Variants in GSE1 observed in about 807,000 individuals in gnomAD.
The protein encoded by GSE1 is Gse1 coiled-coil protein.
Under a neutral mutation model 112.6 loss-of-function variants are expected in GSE1, and 32 were observed. The ratio of observed to expected loss-of-function variants is 0.28; its 90% CI spans 0.21 to 0.38. The LOEUF is 0.38. GSE1 is among the 10% of genes least tolerant of loss of function. The pLI, the probability that GSE1 is intolerant of heterozygous loss-of-function variation, is 1.00. For synonymous variants in GSE1, 1,115 were observed against 735.6 expected (o/e 1.52, Z -8.35); for missense variants, 2,348 against 1,699.2 (o/e 1.38, Z -6.71).
intron 1 of GSE1, among the ~76,000 whole-genome samples, chr16:85,294,429 C>T (rs572511982): frequency 1.3e-5 from 2 of 152,302 alleles, no homozygotes; most frequent in East Asian, 1.9e-4. Context: ...CCATGGGTGA[C>T]ATTTGTTCGT....
intron 1 of GSE1, among the ~76,000 whole-genome samples, chr16:85,353,348 G>C (rs147247464): frequency 1.3e-5 from 2 of 152,340 alleles, no homozygotes; most frequent in East Asian, 3.9e-4. Flanking sequence ...GATGTTTTCA[G>C]TTCTGTTGGC....
chr16:85,626,954 A>G (rs2049121027), intron 1 of GSE1, among the ~76,000 whole-genome samples: 1 of 150,338 alleles, frequency 6.7e-6, no homozygotes, highest in African/African-American at 2.5e-5. Context: ...CTGAAGAACT[A>G]AGAACGAGAT....
At chr16:85,503,075 A>G (rs2151916285) in intron 2 of GSE1, among the ~76,000 whole-genome samples, 1 of 152,302 alleles carries the variant, frequency 6.6e-6, no homozygotes, top group East Asian at 1.9e-4. Context: ...CCCTGTTGAC[A>G]TTGAGGGGTG....
At chr16:85,575,218 G>T (rs995157532) in intron 1 of GSE1, among the ~76,000 whole-genome samples, 2 of 152,212 alleles carry the variant, frequency 1.3e-5, no homozygotes, top group African/African-American at 2.4e-5. Context: ...CAGGGCCAGG[G>T]CAGGCAGGTG....
chr16:85,419,576 A>G lies in GSE1; in HGVS notation c.2464+61933A>G. 6.6e-6 allele frequency among the ~76,000 whole-genome samples: 1 copy of G among 151,268 alleles called. No individual in the cohort carries two copies. Among genetic ancestry groups the G allele is most frequent in the East Asian group, 1.9e-4 (1 of 5,148 alleles). Reference sequence around the variant, plus strand: ...AGCCATGACTGCATCACTGTACTCCAGCCTGGGCAATAGAGCAAGGCTGTG... The same window carrying G: ...AGCCATGACTGCATCACTGTACTCCGGCCTGGGCAATAGAGCAAGGCTGTG... On this transcript the variant is annotated intron_variant, in intron 2 of 2. Coordinates refer to the GSE1 transcript ENST00000637419. The surrounding 1 kb of genome is among the most constrained non-coding windows in gnomAD (Gnocchi z 6.5).
intron 1 of GSE1, among the ~76,000 whole-genome samples, chr16:85,356,278 G>A (rs1432541670): frequency 6.6e-6 from 1 of 152,262 alleles, no homozygotes; most frequent in Non-Finnish European, 1.5e-5. Context: ...GTGCACGCAG[G>A]ATGGAGAGGC....
At chr16:85,393,646 ACAGTCTTCAGGCT>A (rs1947204733) in intron 2 of GSE1, among the ~76,000 whole-genome samples, 1 of 152,230 alleles carries the variant, frequency 6.6e-6, no homozygotes, top group Non-Finnish European at 1.5e-5. Flanking sequence ...ACCTTCTGGA[ACAGTCTTCAGGCT>A]CCTGTGTGAT....
chr16:85,619,731 G>T (rs1192032966), intron 1 of GSE1, among the ~76,000 whole-genome samples: 3 of 152,106 alleles, frequency 2.0e-5, no homozygotes, highest in African/African-American at 7.3e-5. Context: ...GTCAGGCGTG[G>T]TGGGGGGACG....
chr16:85,196,447 G>C (rs1374437949), intron 1 of GSE1, among the ~76,000 whole-genome samples: 1 of 152,152 alleles, frequency 6.6e-6, no homozygotes, highest in African/African-American at 2.4e-5. Flanking sequence ...GTGCACTCCT[G>C]CGTCTTGGCT....
intron 2 of GSE1, among the ~76,000 whole-genome samples, chr16:85,456,119 C>G (rs1444606798): frequency 6.6e-6 from 1 of 152,194 alleles, no homozygotes; most frequent in Non-Finnish European, 1.5e-5. Context: ...GCTGTGCCTC[C>G]CTGAGTTCAC....
rs761961422 is a variant in GSE1 at position 85,661,365 on chromosome 16, G to A, written c.1860G>A (p.Val620=). Residue 620 remains valine, a synonymous_variant, in exon 9 of 16, where the codon GTG becomes GTA. Coordinates refer to ENST00000253458, the MANE Select transcript of GSE1 (RefSeq NM_014615.5). ...TTGAGCCCAGCCGCCAGGCAGCCGT[G>A]CCGCTGGTGAAGGTGGAGCGGGTCT... The part of the protein sequence containing the change: ...AAFEPSRQAA[V]PLVKVERVFC... The A allele has an allele frequency of 5.6e-6, 9 of 1,612,268 alleles. No homozygotes were observed. Among genetic ancestry groups the A allele is most frequent in the Non-Finnish European group, 7.6e-6 (9 of 1,179,660 alleles).
intron 1 of GSE1, among the ~76,000 whole-genome samples, chr16:85,244,288 G>A (rs1905408425): frequency 6.6e-6 from 1 of 152,194 alleles, no homozygotes; most frequent in East Asian, 1.9e-4. Context: ...ACCTGGCATC[G>A]CTGGCTTTGA....
upstream of GSE1, chr16:85,613,089 C>T (rs1020219389): frequency 4.1e-6 from 3 of 727,526 alleles, no homozygotes; most frequent in African/African-American, 5.7e-5. Context: ...TGGATCCGGG[C>T]GCCCGTCGGT....
At chr16:85,404,133 C>T (rs1353127818) in intron 2 of GSE1, among the ~76,000 whole-genome samples, 1 of 121,020 alleles carries the variant, frequency 8.3e-6, no homozygotes, top group African/African-American at 3.3e-5. Flanking sequence ...CTCAGGGCCC[C>T]CCTGGATAAT....
chr16:85,248,431 ATC>A (rs1906102486), intron 1 of GSE1, among the ~76,000 whole-genome samples: 1 of 141,426 alleles, frequency 7.1e-6, no homozygotes, highest in Non-Finnish European at 1.5e-5. Context: ...CTCTTCCCGC[ATC>A]TCTCTCTCCC....
chr16:85,511,550 G>C (rs1179545635), intron 2 of GSE1, among the ~76,000 whole-genome samples: 1 of 151,618 alleles, frequency 6.6e-6, no homozygotes, highest in Non-Finnish European at 1.5e-5. Context: ...AAAAAAGATG[G>C]CCTGGCAAAT....
chr16:85,569,506 G>C (rs1232440663), intron 1 of GSE1, among the ~76,000 whole-genome samples: 1 of 152,234 alleles, frequency 6.6e-6, no homozygotes, highest in Non-Finnish European at 1.5e-5. Flanking sequence ...GCTGCTGTGA[G>C]AATTAAAAGG....
At chr16:85,616,729 C>T (rs909189206) in intron 1 of GSE1, among the ~76,000 whole-genome samples, 1 of 151,078 alleles carries the variant, frequency 6.6e-6, no homozygotes, top group Admixed American at 6.6e-5. Context: ...GTGGCCTCAC[C>T]GAGTGCGGTG....
chr16:85,355,553 C>T (rs897672624), intron 1 of GSE1, among the ~76,000 whole-genome samples: 2 of 152,090 alleles, frequency 1.3e-5, no homozygotes, highest in African/African-American at 2.4e-5. Flanking sequence ...GGGCTGAGGG[C>T]GGGGAGCAGG....
Sources: allele counts gnomAD v4.1 joint callset (sites outside exome capture counted in the v4.1 genomes callset), GRCh38; gene constraint gnomAD v4.1.1; non-coding constraint Gnocchi (gnomAD v3.1); transcripts MANE v1.5; gene names NCBI Gene and HGNC (gene_info 2026-07-23, HGNC 2026-07-21).